Variants in FAM227B observed in about 807,000 individuals in gnomAD.
The protein encoded by FAM227B is protein FAM227B.
A neutral mutation model predicts 73.8 loss-of-function variants in FAM227B; 88 were observed. The ratio of observed to expected loss-of-function variants is 1.19; its 90% CI spans 1.00 to 1.42. FAM227B has a LOEUF of 1.42. FAM227B is among the 40% of genes most tolerant of loss of function. The pLI, the probability that FAM227B is intolerant of heterozygous loss-of-function variation, is 0.00. For missense variants in FAM227B, 632 were observed against 590.9 expected (o/e 1.07, Z -0.72); for synonymous variants, 210 against 190.5 (o/e 1.10, Z -0.84).
chr15:49,558,138 C>A (rs78231345), intron 9 of FAM227B, among the ~76,000 whole-genome samples: 4 of 152,016 alleles, frequency 2.6e-5, no homozygotes, highest in African/African-American at 9.7e-5. Flanking sequence ...CCCAACTTTG[C>A]CTGAATACTG....
chr15:49,478,246 T>A (rs2055546588), intron 11 of FAM227B, among the ~76,000 whole-genome samples: 1 of 152,192 alleles, frequency 6.6e-6, no homozygotes, highest in Non-Finnish European at 1.5e-5. Flanking sequence ...TCTTTAATGA[T>A]CTATGATATT....
intron 11 of FAM227B, among the ~76,000 whole-genome samples, chr15:49,460,269 A>G (rs1208320957): frequency 6.6e-6 from 1 of 152,206 alleles, no homozygotes; most frequent in Non-Finnish European, 1.5e-5. Context: ...CTGCACAATT[A>G]CTTACATAGT....
At chr15:49,435,650 T>C (rs1037823580) in intron 11 of FAM227B, among the ~76,000 whole-genome samples, 4 of 151,728 alleles carry the variant, frequency 2.6e-5, no homozygotes, top group African/African-American at 9.6e-5. Context: ...TTCTCTTAAC[T>C]GGCTGGAAGA....
intron 11 of FAM227B, among the ~76,000 whole-genome samples, chr15:49,391,616 T>A (rs2047216979): frequency 1.3e-5 from 2 of 152,074 alleles, no homozygotes; most frequent in Admixed American, 1.3e-4. Flanking sequence ...AGGTCAAACC[T>A]CAACATTCCC....
chr15:49,482,228 A>C (rs8040716), intron 11 of FAM227B, among the ~76,000 whole-genome samples: 27,980 of 152,000 alleles, frequency 0.18, 3,172 homozygotes, highest in Non-Finnish European at 0.25. Context: ...CATTTTAATA[A>C]ATATCTTGAG....
chr15:49,520,738 A>T (rs2059721431), intron 10 of FAM227B, among the ~76,000 whole-genome samples: 1 of 152,118 alleles, frequency 6.6e-6, no homozygotes, highest in Non-Finnish European at 1.5e-5. Flanking sequence ...CCCATGATTC[A>T]ATTACCTCCC....
chr15:49,442,016 A>T (rs1454457634), intron 11 of FAM227B, among the ~76,000 whole-genome samples: 1 of 151,550 alleles, frequency 6.6e-6, no homozygotes, highest in Non-Finnish European at 1.5e-5. Flanking sequence ...TTATCAAAAG[A>T]TCCATTATAG....
chr15:49,380,812 G>A (rs971092418), intron 11 of FAM227B, among the ~76,000 whole-genome samples: 1 of 151,840 alleles, frequency 6.6e-6, no homozygotes, highest in African/African-American at 2.4e-5. Context: ...GGCCCCTTGT[G>A]ACACAGCTGT....
In FAM227B at chr15:49,508,216, G is replaced by A; in HGVS notation, c.1007C>T (p.Ser336Leu). ...TATACAGAAACTTTACTTACTAGTT[G>A]ATATATGTTCTTGACTGTCTGCAAT... ...ERIADSQEHISTSIDFNIIKI... is the reference protein window; with the variant it reads ...ERIADSQEHILTSIDFNIIKI... The change falls in exon 11 of 16, where the codon TCA becomes TTA. Residue 336 changes from serine to leucine, a missense_variant. Physicochemically the swap from Ser to Leu is moderately radical, Grantham distance 145. Coordinates refer to ENST00000299338, the MANE Select transcript of FAM227B (RefSeq NM_152647.3). The A allele has an allele frequency of 6.2e-7, 1 of 1,605,222 alleles. No homozygotes were observed. Among genetic ancestry groups the A allele is most frequent in the Admixed American group, 1.7e-5 (1 of 58,012 alleles).
chr15:49,332,356 G>C (rs1157546515), intron 14 of FAM227B, among the ~76,000 whole-genome samples: 7 of 152,238 alleles, frequency 4.6e-5, no homozygotes, highest in Admixed American at 2.6e-4. Flanking sequence ...ACACAGGAAA[G>C]AAAGAGAGGG....
chr15:49,533,509 T>C (rs1192116689), intron 10 of FAM227B, among the ~76,000 whole-genome samples: 2 of 151,862 alleles, frequency 1.3e-5, no homozygotes. Context: ...GTCTACTTCT[T>C]CCCTCAGTTC....
chr15:49,359,124 C>G (rs2043722802), intron 13 of FAM227B, among the ~76,000 whole-genome samples: 3 of 151,310 alleles, frequency 2.0e-5, no homozygotes, highest in Non-Finnish European at 4.4e-5. Context: ...AGACCTAAAA[C>G]CATAAAAACC....
chr15:49,422,396 A>G lies in FAM227B; in HGVS notation c.1013-50997T>C, dbSNP rs747469732. 6 of 453,198 alleles carry G rather than the reference A, an allele frequency of 1.3e-5. No individual in the cohort carries two copies. The Admixed American group carries it at 1.3e-4, about 10-fold the overall frequency. The allele number at this position is 453,198 out of a possible 1,614,324, so 28.1% of individuals were successfully genotyped here. ...CTTATTTACCTTAGCAATACATATT[A>G]TAATTCCATCTCTAAATTAACATTT... On this transcript the variant is annotated intron_variant, in intron 11 of 15. Coordinates refer to ENST00000299338, the MANE Select transcript of FAM227B (RefSeq NM_152647.3).
In FAM227B at chr15:49,555,265, C is replaced by G. The variant is rs577162124; in HGVS notation, c.747+12980G>C. ...AGCAGATTTGTTGGTAGTGAATTCCCTTAACATTTGCTTATCTGAAAAGGA... is the reference window on the plus strand; with the variant it reads ...AGCAGATTTGTTGGTAGTGAATTCCGTTAACATTTGCTTATCTGAAAAGGA... On this transcript the variant is annotated intron_variant, in intron 9 of 15. Transcript: ENST00000299338. Among the ~76,000 whole-genome samples the G allele has an allele frequency of 3.9e-5, 6 of 152,298 alleles. No individual in the cohort carries two copies. The South Asian group carries it at 1.2e-3, about 32-fold the overall frequency.
chr15:49,498,440 T>G (rs1276267544), intron 11 of FAM227B, among the ~76,000 whole-genome samples: 2 of 152,198 alleles, frequency 1.3e-5, no homozygotes, highest in African/African-American at 2.4e-5. Flanking sequence ...AAGTACATAT[T>G]TCAAACTGAA....
intron 10 of FAM227B, among the ~76,000 whole-genome samples, chr15:49,514,645 T>C (rs2059260979): frequency 6.6e-6 from 1 of 152,138 alleles, no homozygotes; most frequent in South Asian, 2.1e-4. Flanking sequence ...TTCATATGTC[T>C]CAATACCAAT....
intron 11 of FAM227B, among the ~76,000 whole-genome samples, chr15:49,395,103 G>A (rs1375027900): frequency 3.3e-5 from 5 of 151,952 alleles, no homozygotes; most frequent in African/African-American, 1.2e-4. Flanking sequence ...AATATTTTTG[G>A]TACACACATA....
chr15:49,583,930 T>C (rs539027415), intron 5 of FAM227B, among the ~76,000 whole-genome samples: 2 of 152,090 alleles, frequency 1.3e-5, no homozygotes, highest in Non-Finnish European at 2.9e-5. Flanking sequence ...TTCTACCAGA[T>C]GTACAAAGAA....
At chr15:49,477,961 T>G (rs1333068498) in intron 11 of FAM227B, among the ~76,000 whole-genome samples, 1 of 152,202 alleles carries the variant, frequency 6.6e-6, no homozygotes, top group Non-Finnish European at 1.5e-5. Flanking sequence ...GGGGTACATG[T>G]GCAGGTCTGT....
Sources: gnomAD v4.1 joint callset for allele counts (sites outside exome capture counted in the v4.1 genomes callset) on GRCh38, gnomAD v4.1.1 for gene constraint, MANE v1.5 for transcripts, NCBI Gene and HGNC (gene_info 2026-07-23, HGNC 2026-07-21) for gene names.